CFAP61: variants seen among roughly 807,000 people sequenced by gnomAD.
CFAP61 encodes cilia and flagella associated protein 61.
Under a neutral mutation model 135.6 loss-of-function variants are expected in CFAP61, and 107 were observed. The ratio of observed to expected loss-of-function variants is 0.79; its 90% confidence interval spans 0.67 to 0.93. The LOEUF is 0.93. Among genes scored for constraint, CFAP61 ranks in the 40% least tolerant of loss-of-function variants. The pLI is 0.00. For missense variants in CFAP61, 1,507 were observed against 1,556.2 expected (o/e 0.97, Z 0.53); for synonymous variants, 575 against 578.5 (o/e 0.99, Z 0.09).
chr20:20,181,765 T>C (rs1262497103), intron 13 of CFAP61, among the ~76,000 whole-genome samples: 1 of 152,218 alleles, frequency 6.6e-6, no homozygotes, highest in Non-Finnish European at 1.5e-5. Context: ...TTTAGAACTA[T>C]GCTTGCACCC....
intron 25 of CFAP61, among the ~76,000 whole-genome samples, chr20:20,327,452 T>G (rs1005180375): frequency 5.9e-5 from 9 of 152,120 alleles, no homozygotes; most frequent in Non-Finnish European, 1.3e-4. Context: ...ATTATCTTTC[T>G]TCCCTCAGAA....
At chr20:20,222,425 GA>G (rs1164662411) in intron 17 of CFAP61, among the ~76,000 whole-genome samples, 1 of 152,066 alleles carries the variant, frequency 6.6e-6, no homozygotes, top group Non-Finnish European at 1.5e-5. Flanking sequence ...CCAGTGTTAA[GA>G]AAAAAGCCAG....
intron 6 of CFAP61, among the ~76,000 whole-genome samples, chr20:20,089,930 T>A (rs75767713): frequency 0.048 from 7,286 of 152,290 alleles, 577 homozygotes; most frequent in African/African-American, 0.17. Context: ...GGCCAGTGTT[T>A]GAAAAATGCA....
intron 1 of CFAP61, among the ~76,000 whole-genome samples, chr20:20,055,623 C>A (rs1465544638): frequency 1.3e-5 from 2 of 152,166 alleles, no homozygotes; most frequent in Non-Finnish European, 2.9e-5. Context: ...AGTCAGTTAT[C>A]TAATTAATTA....
intron 7 of CFAP61, chr20:20,095,440 T>A (rs2047498771): frequency 6.6e-6 from 1 of 152,278 alleles, no homozygotes; most frequent in South Asian, 2.1e-4. Context: ...GCAGCATGCC[T>A]GAGGGCAAGG....
intron 8 of CFAP61, among the ~76,000 whole-genome samples, chr20:20,112,845 T>C (rs1462307810): frequency 1.3e-5 from 2 of 152,242 alleles, no homozygotes; most frequent in East Asian, 1.9e-4. Flanking sequence ...CCAAGTGATA[T>C]TGATATTAAC....
chr20:20,192,565 G>A (rs963071937), intron 15 of CFAP61, among the ~76,000 whole-genome samples: 4 of 152,008 alleles, frequency 2.6e-5, no homozygotes, highest in African/African-American at 4.8e-5. Flanking sequence ...CTCCTCCCGC[G>A]CCACCCTCTT....
intron 2 of CFAP61, 148 bp downstream of exon 2, chr20:20,056,944 C>G (rs1020744575): frequency 1.1e-5 from 7 of 664,690 alleles, no homozygotes; most frequent in Non-Finnish European, 1.6e-5. Flanking sequence ...ATGGCAAAAC[C>G]TCATCTCTAC....
At position 20,263,006 on chromosome 20, in the gene CFAP61, G is replaced by C. The variant is rs1167835465; in HGVS notation, c.2379G>C (p.Glu793Asp). ...TTAGTCAACACCTGACAAACAGGGA[G>C]GTTCCCAACAGCAGTCAGCGGCGGT... ...ADISQHLTNR[E>D]VPNSSQRRYT... Residue 793 changes from glutamate to aspartate, a missense_variant, in exon 21 of 27, where the codon GAG becomes GAC. Physicochemically the swap from Glu to Asp is conservative, Grantham distance 45 (BLOSUM62 2). Transcript: ENST00000245957. The C allele has an allele frequency of 6.2e-7, 1 of 1,613,564 alleles. No homozygotes were observed. The highest frequency in any genetic ancestry group is 2.2e-5 in the East Asian group (1 of 44,874).
chr20:20,284,461 AT>A (rs2054435221), intron 22 of CFAP61, among the ~76,000 whole-genome samples: 1 of 151,524 alleles, frequency 6.6e-6, no homozygotes, highest in Admixed American at 6.6e-5. Context: ...ATTTTTTTGT[AT>A]TTTTAGTAGA....
At chr20:20,053,994 G>C (rs955889825) in intron 1 of CFAP61, among the ~76,000 whole-genome samples, 47 of 109,724 alleles carry the variant, frequency 4.3e-4, no homozygotes, top group Non-Finnish European at 1.5e-4. Flanking sequence ...GTTCATCTCT[G>C]TGTGTGTTTT....
intron 7 of CFAP61, among the ~76,000 whole-genome samples, chr20:20,093,373 A>G (rs1035398296): frequency 6.6e-6 from 1 of 151,734 alleles, no homozygotes; most frequent in African/African-American, 2.4e-5. Context: ...TTCTGGGATT[A>G]GACAGTGGTG....
intron 25 of CFAP61, among the ~76,000 whole-genome samples, chr20:20,303,817 G>A (rs1017838134): frequency 6.6e-6 from 1 of 152,212 alleles, no homozygotes; most frequent in African/African-American, 2.4e-5. Context: ...AGGGCTGACA[G>A]TTAACCAGCT....
chr20:20,284,656 T>C (rs2054451983), intron 22 of CFAP61, among the ~76,000 whole-genome samples: 1 of 152,206 alleles, frequency 6.6e-6, no homozygotes, highest in Non-Finnish European at 1.5e-5. Flanking sequence ...ATCAGCAATC[T>C]TTCATGTTCA....
At chr20:20,201,686 G>A (rs1025760762) in intron 17 of CFAP61, among the ~76,000 whole-genome samples, 1 of 152,206 alleles carries the variant, frequency 6.6e-6, no homozygotes, top group Non-Finnish European at 1.5e-5. Context: ...TTCCACAGAG[G>A]CAAACTGATC....
chr20:20,106,934 A>G (rs1000519982), intron 8 of CFAP61, among the ~76,000 whole-genome samples: 4 of 152,186 alleles, frequency 2.6e-5, no homozygotes, highest in East Asian at 1.9e-4. Context: ...CTATTACGCT[A>G]TATGGAGTCA....
Position 20,090,888 on chromosome 20 carries a change from A to G in CFAP61, c.611A>G (p.Asp204Gly). 1 of 1,614,080 alleles carries G rather than the reference A, an allele frequency of 6.2e-7. No homozygotes were observed. The highest frequency in any genetic ancestry group is 8.5e-7 in the Non-Finnish European group (1 of 1,180,000). Residue 204 changes from aspartate (D) to glycine (G), a missense_variant, in exon 7 of 27, where the codon GAC becomes GGC. Coordinates refer to ENST00000245957, the MANE Select transcript of CFAP61 (RefSeq NM_015585.4). ...CTCATGCCAATATTTATGCGCTATGACACAATTCTGAAGGAAACTTACGGT... is the reference window on the plus strand; with the variant it reads ...CTCATGCCAATATTTATGCGCTATGGCACAATTCTGAAGGAAACTTACGGT... Reference protein sequence around the residue: ...DDLMPIFMRYDTILKETYGEY... With the variant: ...DDLMPIFMRYGTILKETYGEY...
chr20:20,168,526 A>G (rs1268642644), intron 12 of CFAP61, among the ~76,000 whole-genome samples: 2 of 152,256 alleles, frequency 1.3e-5, no homozygotes, highest in Admixed American at 6.5e-5. Flanking sequence ...CTGTATTTGT[A>G]TGTTATAAAA....
intron 16 of CFAP61, among the ~76,000 whole-genome samples, chr20:20,198,826 C>CA (rs758004774): frequency 2.9e-4 from 44 of 152,038 alleles, no homozygotes; most frequent in Non-Finnish European, 2.8e-4. Context: ...TTTAGAACTG[C>CA]AAAAAAGTCA....
Sources: gnomAD v4.1 joint callset for allele counts (sites outside exome capture counted in the v4.1 genomes callset) on GRCh38, gnomAD v4.1.1 for gene constraint, MANE v1.5 for transcripts, NCBI Gene and HGNC (gene_info 2026-07-23, HGNC 2026-07-21) for gene names.